CNTNAP2: variants seen among roughly 807,000 people sequenced by gnomAD.
The protein encoded by CNTNAP2 is contactin associated protein 2, also known as contactin-associated protein-like 2.
CNTNAP2 carries 98 observed loss-of-function variants against 155.2 expected under a neutral mutation model. The observed-to-expected ratio is 0.63, with a 90% CI of 0.54 to 0.75. The LOEUF is 0.75. Among genes scored for constraint, CNTNAP2 ranks in the 30% least tolerant of loss-of-function variants. The pLI is 0.00. For synonymous variants in CNTNAP2, 651 were observed against 631.2 expected, an observed-to-expected ratio of 1.03 and a Z score of -0.47; for missense variants, 1,727 against 1,688.1, an observed-to-expected ratio of 1.02 and a Z score of -0.40.
intron 13 of CNTNAP2, among the ~76,000 whole-genome samples, chr7:147,670,632 G>A (rs1278508587): frequency 6.6e-6 from 1 of 152,124 alleles, no homozygotes; most frequent in East Asian, 1.9e-4. Flanking sequence ...AGAAGAATCT[G>A]GCCAGAGATG....
intron 1 of CNTNAP2, among the ~76,000 whole-genome samples, chr7:146,251,351 G>C (rs2116943671): frequency 6.6e-6 from 1 of 152,152 alleles, no homozygotes; most frequent in South Asian, 2.1e-4. Flanking sequence ...ATTTAATAAT[G>C]TCACCTTGTT....
At chr7:147,899,927 AT>A (rs1799837561) in intron 13 of CNTNAP2, among the ~76,000 whole-genome samples, 2 of 151,456 alleles carry the variant, frequency 1.3e-5, no homozygotes, top group African/African-American at 4.9e-5. Context: ...AGAAAGAGTC[AT>A]CCATTGTCAG....
chr7:146,237,918 T>A (rs1413019048), intron 1 of CNTNAP2, among the ~76,000 whole-genome samples: 1 of 152,220 alleles, frequency 6.6e-6, no homozygotes, highest in Non-Finnish European at 1.5e-5. Context: ...AGATACCAGA[T>A]GGCTAGATAA....
chr7:147,207,836 C>T (rs1803052949), intron 8 of CNTNAP2, among the ~76,000 whole-genome samples: 1 of 152,068 alleles, frequency 6.6e-6, no homozygotes, highest in Non-Finnish European at 1.5e-5. Context: ...CTAAAGATCT[C>T]ATTCACTTAT....
intron 12 of CNTNAP2, among the ~76,000 whole-genome samples, chr7:147,598,178 T>C (rs1335817069): frequency 6.6e-6 from 1 of 152,026 alleles, no homozygotes; most frequent in East Asian, 1.9e-4. Context: ...TTTTTTTTTT[T>C]TTCTACTTTA....
At chr7:148,011,815 G>A (rs1802087209) in intron 15 of CNTNAP2, among the ~76,000 whole-genome samples, 1 of 152,192 alleles carries the variant, frequency 6.6e-6, no homozygotes, top group Non-Finnish European at 1.5e-5. Flanking sequence ...TCCTTATTCA[G>A]TATTCTGGCC....
intron 11 of CNTNAP2, among the ~76,000 whole-genome samples, chr7:147,523,032 T>C (rs1411653523): frequency 6.6e-6 from 1 of 152,194 alleles, no homozygotes; most frequent in East Asian, 1.9e-4. Context: ...ACAGTGTCTG[T>C]GGGTCAAGAT....
At chr7:146,961,087 G>C (rs966231720) in intron 3 of CNTNAP2, among the ~76,000 whole-genome samples, 6 of 152,114 alleles carry the variant, frequency 3.9e-5, no homozygotes, top group Non-Finnish European at 8.8e-5. Context: ...AATCCTTGAG[G>C]GATCAATGAT....
At position 147,008,962 on chromosome 7, in the gene CNTNAP2, AT is replaced by A. The variant is rs111416964; in HGVS notation, c.403-34932del. Among the ~76,000 whole-genome samples the A allele has an allele frequency of 8.8e-3, 1,256 of 142,190 alleles. 16 individuals are homozygous for A. The highest frequency in any genetic ancestry group is 0.024 in the African/African-American group (927 of 39,298). The allele number at this position is 142,190 out of a possible 152,430, so 93.3% of individuals were successfully genotyped here. Reference sequence around the variant, plus strand: ...GGCAGAGAGGTCTTCTGGTGTTTGGATTTTTTTTTTTTTCAGTTGCCTTAAG... The same window carrying A: ...GGCAGAGAGGTCTTCTGGTGTTTGGATTTTTTTTTTTTCAGTTGCCTTAAG... On this transcript the variant is annotated intron_variant, in intron 3 of 23. Coordinates refer to ENST00000361727, the MANE Select transcript of CNTNAP2 (RefSeq NM_014141.6).
chr7:147,595,097 G>T (rs1800803656), intron 12 of CNTNAP2, among the ~76,000 whole-genome samples: 1 of 152,132 alleles, frequency 6.6e-6, no homozygotes, highest in African/African-American at 2.4e-5. Context: ...GAGGCAGAAT[G>T]CAGAGATACC....
At chr7:147,428,163 C>A (rs1797410294) in intron 10 of CNTNAP2, among the ~76,000 whole-genome samples, 6 of 152,086 alleles carry the variant, frequency 3.9e-5, no homozygotes, top group Admixed American at 3.3e-4. Flanking sequence ...GAAATTGAGG[C>A]AATCACAAAT....
intron 15 of CNTNAP2, among the ~76,000 whole-genome samples, chr7:148,057,008 A>G (rs1297036262): frequency 2.6e-5 from 4 of 152,130 alleles, no homozygotes; most frequent in Non-Finnish European, 4.4e-5. Context: ...TATTTCCATC[A>G]CTTGCCTTTA....
At chr7:146,578,776 C>G (rs1798563837) in intron 1 of CNTNAP2, among the ~76,000 whole-genome samples, 2 of 152,114 alleles carry the variant, frequency 1.3e-5, no homozygotes, top group Non-Finnish European at 2.9e-5. Context: ...ACTTATACTC[C>G]TTACCACATG....
chr7:146,436,762 A>G (rs1477721392), intron 1 of CNTNAP2, among the ~76,000 whole-genome samples: 3 of 147,672 alleles, frequency 2.0e-5, no homozygotes, highest in African/African-American at 8.1e-5. Context: ...AAACAGGACA[A>G]TAGCAAGTGC....
intron 10 of CNTNAP2, among the ~76,000 whole-genome samples, chr7:147,482,665 G>A (rs1200444441): frequency 1.3e-5 from 2 of 151,876 alleles, no homozygotes; most frequent in Non-Finnish European, 2.9e-5. Context: ...AGCTTGCAGT[G>A]AGCCGAGATC....
At position 147,883,375 on chromosome 7, in the gene CNTNAP2, A is replaced by C. The variant is rs537137089; in HGVS notation, c.2099-20190A>C. Among the ~76,000 whole-genome samples the C allele has an allele frequency of 1.4e-4, 22 of 152,324 alleles. 1 individual carries two copies. Among genetic ancestry groups the C allele is most frequent in the Middle Eastern group, 6.8e-3 (2 of 294 alleles). ...TTCCTGAAAAGATAGATTCAGAGTA[A>C]TTAAAATTTGATTTTAATGCTGCTA... On this transcript the variant is annotated intron_variant, in intron 13 of 23. Transcript: ENST00000361727.
At chr7:147,899,283 T>A (rs1799824074) in intron 13 of CNTNAP2, among the ~76,000 whole-genome samples, 1 of 152,108 alleles carries the variant, frequency 6.6e-6, no homozygotes, top group African/African-American at 2.4e-5. Context: ...AAGGCTGCAG[T>A]GAGTTATGAT....
intron 4 of CNTNAP2, among the ~76,000 whole-genome samples, chr7:147,054,024 T>C (rs1167037151): frequency 6.6e-6 from 1 of 152,148 alleles, no homozygotes; most frequent in Non-Finnish European, 1.5e-5. Context: ...ATCGCAGACC[T>C]AGAAATCCTG....
At chr7:148,050,034 A>G (rs1431378723) in intron 15 of CNTNAP2, among the ~76,000 whole-genome samples, 39 of 152,042 alleles carry the variant, frequency 2.6e-4, no homozygotes, top group Admixed American at 2.6e-3. Context: ...ATAGTGGTTC[A>G]CCCTATGATC....
Sources: allele counts gnomAD v4.1 joint callset (sites outside exome capture counted in the v4.1 genomes callset), GRCh38; gene constraint gnomAD v4.1.1; transcripts MANE v1.5; gene names NCBI Gene and HGNC (gene_info 2026-07-23, HGNC 2026-07-21).